Variants in HPSE2 observed in about 807,000 individuals in gnomAD.
HPSE2 encodes the protein inactive heparanase-2.
A neutral mutation model predicts 60.5 loss-of-function variants in HPSE2; 38 were observed. The observed-to-expected ratio is 0.63, with a 90% CI of 0.48 to 0.82. HPSE2 has a LOEUF of 0.82. Ranked by LOEUF, HPSE2 falls within the 40% of genes least tolerant of loss-of-function variation. The pLI is 0.00. For missense variants in HPSE2, 713 were observed against 740.4 expected (o/e 0.96, Z 0.43); for synonymous variants, 295 against 293.2 (o/e 1.01, Z -0.06).
intron 9 of HPSE2, among the ~76,000 whole-genome samples, chr10:98,517,199 T>TGGGGGGGGGAGGA (rs1554926104): frequency 8.8e-6 from 1 of 113,674 alleles, no homozygotes; most frequent in Admixed American, 9.2e-5. Context: ...GGGTGTGGGG[T>TGGGGGGGGGAGGA]GGGGGGGGCG....
intron 3 of HPSE2, among the ~76,000 whole-genome samples, chr10:98,774,256 T>C (rs1950297182): frequency 1.3e-5 from 2 of 152,100 alleles, no homozygotes; most frequent in Admixed American, 1.3e-4. Flanking sequence ...AGTGCTCTGA[T>C]CATCTTTTAC....
chr10:99,102,846 G>A (rs1844067465), intron 3 of HPSE2, among the ~76,000 whole-genome samples: 1 of 152,132 alleles, frequency 6.6e-6, no homozygotes, highest in Non-Finnish European at 1.5e-5. Context: ...ATCAATAAAT[G>A]TAATCCATCA....
chr10:98,592,873 C>T (rs1945127884), intron 9 of HPSE2, among the ~76,000 whole-genome samples: 1 of 152,130 alleles, frequency 6.6e-6, no homozygotes, highest in Admixed American at 6.5e-5. Context: ...CCATTCTGTC[C>T]ATTTTATAGT....
At chr10:99,067,064 T>C (rs770494940) in intron 3 of HPSE2, among the ~76,000 whole-genome samples, 23 of 152,108 alleles carry the variant, frequency 1.5e-4, no homozygotes, top group Non-Finnish European at 2.9e-4. Flanking sequence ...CAAAATCCAA[T>C]GGGGCAGTCA....
chr10:98,752,829 G>A (rs976696782), intron 3 of HPSE2, among the ~76,000 whole-genome samples: 8 of 152,166 alleles, frequency 5.3e-5, no homozygotes, highest in Admixed American at 4.6e-4. Flanking sequence ...AGAATATGTA[G>A]CACACATACA....
intron 3 of HPSE2, among the ~76,000 whole-genome samples, chr10:98,820,699 C>T (rs1951403705): frequency 6.6e-6 from 1 of 152,166 alleles, no homozygotes; most frequent in African/African-American, 2.4e-5. Context: ...TACCCCAAAA[C>T]ATTGAGTTCA....
the HPSE2 span, among the ~76,000 whole-genome samples, chr10:99,295,621 AG>A: frequency 6.6e-6 from 1 of 152,204 alleles, no homozygotes; most frequent in Non-Finnish European, 1.5e-5. Flanking sequence ...TGGAAAGTAC[AG>A]CCATACTTTT....
intron 8 of HPSE2, among the ~76,000 whole-genome samples, chr10:98,615,901 A>C (rs1402966451): frequency 1.3e-5 from 2 of 152,160 alleles, no homozygotes; most frequent in Non-Finnish European, 2.9e-5. Context: ...AACTTGTCCT[A>C]AACATGTGTG....
At chr10:98,526,546 G>T (rs1392141347) in intron 9 of HPSE2, among the ~76,000 whole-genome samples, 1 of 152,194 alleles carries the variant, frequency 6.6e-6, no homozygotes, top group African/African-American at 2.4e-5. Flanking sequence ...CAGTGCTTGT[G>T]CTCAGGCAGC....
Position 99,231,177 on chromosome 10 carries a change from C to G in HPSE2, c.448+1171G>C, listed in dbSNP as rs1430725139. ...TAAAAAAAAATGTTCCTCTGCCACC[C>G]TTGAAATACATTCCAATACCTCTCC... is the stretch of plus-strand genomic sequence containing the variant. On this transcript the variant is annotated intron_variant, in intron 2 of 11. Coordinates refer to ENST00000370552, the MANE Select transcript of HPSE2 (RefSeq NM_021828.5). 2.6e-5 allele frequency among the ~76,000 whole-genome samples: 4 copies of G among 152,320 alleles called. No homozygotes were observed. In the East Asian group the frequency reaches 7.7e-4, roughly 29 times the overall value.
intron 6 of HPSE2, among the ~76,000 whole-genome samples, chr10:98,648,313 G>C (rs759734149): frequency 2.0e-5 from 3 of 152,172 alleles, no homozygotes; most frequent in Non-Finnish European, 4.4e-5. Context: ...AAAGAGGTAG[G>C]GAAATCATAT....
At chr10:99,168,001 TC>T (rs1460037060) in intron 2 of HPSE2, among the ~76,000 whole-genome samples, 1 of 151,908 alleles carries the variant, frequency 6.6e-6, no homozygotes, top group Non-Finnish European at 1.5e-5. Context: ...TCCTTACTCT[TC>T]CAGTTTGCTG....
chr10:99,171,756 A>G (rs1485048048), intron 2 of HPSE2, among the ~76,000 whole-genome samples: 1 of 152,146 alleles, frequency 6.6e-6, no homozygotes, highest in African/African-American at 2.4e-5. Context: ...TTTGATGAAG[A>G]AGCAGATAAG....
intron 3 of HPSE2, among the ~76,000 whole-genome samples, chr10:98,823,991 T>C (rs1009365992): frequency 4.6e-5 from 7 of 152,174 alleles, no homozygotes; most frequent in African/African-American, 1.4e-4. Context: ...TTTTAAAGGA[T>C]TGATGAGTAT....
intron 3 of HPSE2, among the ~76,000 whole-genome samples, chr10:99,029,817 A>G (rs1957459514): frequency 6.6e-6 from 1 of 152,188 alleles, no homozygotes; most frequent in Non-Finnish European, 1.5e-5. Context: ...GACTAATATC[A>G]GGCCCTCCAC....
intron 3 of HPSE2, among the ~76,000 whole-genome samples, chr10:98,874,981 G>A (rs1357871905): frequency 6.6e-6 from 1 of 152,018 alleles, no homozygotes; most frequent in Non-Finnish European, 1.5e-5. Context: ...TGGTGGATAA[G>A]TTTTTTGATG....
In HPSE2 at chr10:98,795,610, G is replaced by T. The variant is rs138163568; in HGVS notation, c.611-51554C>A. Among the ~76,000 whole-genome samples the T allele has an allele frequency of 2.9e-3, 439 of 152,336 alleles. 2 individuals are homozygous for T. The highest frequency in any genetic ancestry group is 4.5e-3 in the Admixed American group (69 of 15,312). The stretch of plus-strand genomic sequence containing the variant: ...GAAAGCAGTCTAGGCCACAGGGACT[G>T]CAATTCCTAGGCAACTCCTAGAGCT... On this transcript the variant is annotated intron_variant, in intron 3 of 11. Transcript: ENST00000370552.
At chr10:98,960,770 G>T in intron 3 of HPSE2, among the ~76,000 whole-genome samples, 1 of 121,528 alleles carries the variant, frequency 8.2e-6, no homozygotes, top group Non-Finnish European at 1.6e-5. Flanking sequence ...CTAAGTTTTA[G>T]GGTACATGTG....
intron 9 of HPSE2, among the ~76,000 whole-genome samples, chr10:98,558,441 A>G (rs912011873): frequency 1.3e-5 from 2 of 152,258 alleles, no homozygotes; most frequent in Non-Finnish European, 2.9e-5. Flanking sequence ...AGAATGAGCA[A>G]TCCACAACTA....
Sources: gnomAD v4.1 joint callset for allele counts (sites outside exome capture counted in the v4.1 genomes callset) on GRCh38, gnomAD v4.1.1 for gene constraint, MANE v1.5 for transcripts, NCBI Gene and HGNC (gene_info 2026-07-23, HGNC 2026-07-21) for gene names.